The following AAMDC variants were observed in gnomAD, a reference collection of about 807,000 sequenced individuals.
AAMDC encodes adipogenesis associated Mth938 domain containing, also known as mth938 domain-containing protein.
A neutral mutation model predicts 15.5 loss-of-function variants in AAMDC; 16 were observed. The observed-to-expected ratio is 1.03, with a 90% confidence interval of 0.70 to 1.57. The LOEUF (loss-of-function observed/expected upper bound fraction) is 1.57, where lower values mean the gene tolerates loss of function less well. Ranked by LOEUF, AAMDC falls within the 40% of genes most tolerant of loss-of-function variation. The probability of loss-of-function intolerance (pLI) is 0.00; values close to 1 mark genes in which losing one functional copy is unlikely to be tolerated. For missense variants in AAMDC, 141 were observed against 144.9 expected (o/e 0.97, Z 0.14); for synonymous variants, 51 against 51.6 (o/e 0.99, Z 0.05).
chr11:77,899,819 C>T (rs550033104), intron 5 of AAMDC, among the ~76,000 whole-genome samples: 1 of 152,050 alleles, frequency 6.6e-6, no homozygotes, highest in Admixed American at 6.5e-5. Context: ...ATGGTATGAT[C>T]CCCTTTATGT....
At chr11:77,857,657 G>C (rs1348775444) in intron 2 of AAMDC, among the ~76,000 whole-genome samples, 1 of 149,888 alleles carries the variant, frequency 6.7e-6, no homozygotes. Flanking sequence ...GTATACATGT[G>C]CCAGGATGGT....
intron 1 of AAMDC, among the ~76,000 whole-genome samples, chr11:77,833,025 T>G (rs1263864260): frequency 1.4e-4 from 20 of 139,794 alleles, no homozygotes; most frequent in Admixed American, 5.8e-4. Context: ...TTTTTTTTTT[T>G]TTTTGAGACA....
At chr11:77,901,157 T>TA (rs1370336887), downstream of AAMDC, among the ~76,000 whole-genome samples, 1 of 152,208 alleles carries the variant, frequency 6.6e-6, no homozygotes, top group Non-Finnish European at 1.5e-5. Context: ...TATTGCCAGA[T>TA]AAAGTCCAGT....
Position 77,845,760 on chromosome 11 carries a change from A to G in AAMDC, c.132+3132A>G, listed in dbSNP as rs933480333. On this transcript the variant is annotated intron_variant, in intron 2 of 3. Transcript: ENST00000393427. ...TCTGTTTGGTTATTTTTAACAATCTATATTTCTTTATTGATATTTTTTATT... is the reference window on the plus strand; with the variant it reads ...TCTGTTTGGTTATTTTTAACAATCTGTATTTCTTTATTGATATTTTTTATT... Among the ~76,000 whole-genome samples, 3 of 152,062 alleles carry G rather than the reference A, an allele frequency of 2.0e-5. 1 individual carries two copies. The highest frequency in any genetic ancestry group is 4.2e-4 in the South Asian group (2 of 4,816).
chr11:77,868,212 G>A (rs1413519283), intron 2 of AAMDC, among the ~76,000 whole-genome samples: 1 of 143,546 alleles, frequency 7.0e-6, no homozygotes, highest in African/African-American at 2.6e-5. Flanking sequence ...CCCGCTACCT[G>A]GCCCGGCTAA....
chr11:77,871,680 T>C (rs1951437778), intron 3 of AAMDC, among the ~76,000 whole-genome samples: 2 of 152,230 alleles, frequency 1.3e-5, no homozygotes, highest in Non-Finnish European at 2.9e-5. Flanking sequence ...AGAGCTAGCC[T>C]AACATTTCTT....
At chr11:77,840,595 A>C (rs1193480393) in intron 1 of AAMDC, among the ~76,000 whole-genome samples, 1 of 152,218 alleles carries the variant, frequency 6.6e-6, no homozygotes, top group Non-Finnish European at 1.5e-5. Flanking sequence ...ACATAAAAGA[A>C]ACTGGGTATC....
intron 5 of AAMDC, among the ~76,000 whole-genome samples, chr11:77,881,703 T>C (rs1951798568): frequency 6.6e-6 from 1 of 152,196 alleles, no homozygotes; most frequent in African/African-American, 2.4e-5. Flanking sequence ...CACAGGCTAC[T>C]AAAACAATGG....
intron 1 of AAMDC, chr11:77,841,286 A>G: frequency 1.4e-6 from 1 of 701,552 alleles, no homozygotes; most frequent in Non-Finnish European, 2.6e-6. Flanking sequence ...GGAAGGGTGC[A>G]GACATTCAAA....
intron 2 of AAMDC, among the ~76,000 whole-genome samples, chr11:77,864,978 A>G (rs1392203246): frequency 6.6e-6 from 1 of 152,150 alleles, no homozygotes; most frequent in Non-Finnish European, 1.5e-5. Context: ...CCCTGTCTCA[A>G]AAACAAAAAA....
chr11:77,878,498 G>C (rs1385639075), intron 5 of AAMDC, among the ~76,000 whole-genome samples: 2 of 152,044 alleles, frequency 1.3e-5, no homozygotes, highest in Non-Finnish European at 2.9e-5. Context: ...TTCAGCAACT[G>C]TCAATGGTAA....
At chr11:77,905,084 T>C (rs1479865106), downstream of AAMDC, among the ~76,000 whole-genome samples, 1 of 152,050 alleles carries the variant, frequency 6.6e-6, no homozygotes, top group Non-Finnish European at 1.5e-5. Flanking sequence ...TAAATCTGAG[T>C]GTACTAAGTG....
chr11:77,869,955 G>A (rs1951335210), intron 3 of AAMDC, 138 bp downstream of exon 3: 1 of 692,366 alleles, frequency 1.4e-6, no homozygotes, highest in African/African-American at 1.8e-5. Flanking sequence ...AGCAGTGGCT[G>A]CACACATTCC....
intron 5 of AAMDC, among the ~76,000 whole-genome samples, chr11:77,882,892 G>A (rs1350184049): frequency 1.3e-5 from 2 of 152,038 alleles, no homozygotes; most frequent in Admixed American, 1.3e-4. Flanking sequence ...CCAACATGAC[G>A]AAACCCTGTC....
In AAMDC at chr11:77,859,458, C is replaced by A. The variant is rs569284096; in HGVS notation, c.133-10264C>A. On this transcript the variant is annotated intron_variant, in intron 2 of 3. Coordinates refer to ENST00000393427, the MANE Select transcript of AAMDC (RefSeq NM_024684.4). Reference sequence around the variant, plus strand: ...CTCGGAAGTTAGGAATTCCTTTTCTCTCCATATTGCTGCATGGGCATGGAG... The same window carrying A: ...CTCGGAAGTTAGGAATTCCTTTTCTATCCATATTGCTGCATGGGCATGGAG... Among the ~76,000 whole-genome samples the A allele has an allele frequency of 5.0e-4, 76 of 152,310 alleles. 1 individual carries two copies. The highest frequency in any genetic ancestry group is 8.4e-4 in the Non-Finnish European group (57 of 68,034).
rs181391453 is a variant in AAMDC at position 77,883,517 on chromosome 11, G to T, written c.328+6468G>T. ...CTTGTCTAAGGTGACCAAGCAAGTC[G>T]GTGGCAGTTAGGATAAGAATAATCT... is the stretch of plus-strand genomic sequence containing the variant. On this transcript the variant is annotated intron_variant, in intron 5 of 5. Coordinates refer to the AAMDC transcript ENST00000304716. 1.6e-4 allele frequency among the ~76,000 whole-genome samples: 25 copies of T among 152,232 alleles called. 2 individuals are homozygous for T. Among genetic ancestry groups the T allele is most frequent in the Admixed American group, 1.4e-3 (22 of 15,288 alleles).
intron 1 of AAMDC, among the ~76,000 whole-genome samples, chr11:77,841,987 G>C (rs987537520): frequency 6.6e-6 from 1 of 152,142 alleles, no homozygotes; most frequent in African/African-American, 2.4e-5. Flanking sequence ...AACAGAACTG[G>C]AGTGGTGGAA....
downstream of AAMDC, chr11:77,901,591 T>C: frequency 1.3e-6 from 2 of 1,482,968 alleles, no homozygotes; most frequent in Non-Finnish European, 1.9e-6. Flanking sequence ...AAAAATATCA[T>C]AGTCTTACTT....
chr11:77,877,963 G>A (rs1190087009), intron 5 of AAMDC, among the ~76,000 whole-genome samples: 3 of 152,046 alleles, frequency 2.0e-5, no homozygotes, highest in Non-Finnish European at 4.4e-5. Flanking sequence ...TTCTTGCACT[G>A]GACCCCTGTT....
Sources: gnomAD v4.1 joint callset for allele counts (sites outside exome capture counted in the v4.1 genomes callset) on GRCh38, gnomAD v4.1.1 for gene constraint, MANE v1.5 for transcripts, NCBI Gene and HGNC (gene_info 2026-07-23, HGNC 2026-07-21) for gene names.